Variants in THSD7B observed in about 807,000 individuals in gnomAD.
THSD7B encodes the protein thrombospondin type-1 domain-containing protein 7B.
A neutral mutation model predicts 213.6 loss-of-function variants in THSD7B; 138 were observed. The observed-to-expected ratio is 0.65, with a 90% CI of 0.56 to 0.74. THSD7B has a LOEUF of 0.74. Ranked by LOEUF, THSD7B falls within the 30% of genes least tolerant of loss-of-function variation. The pLI is 0.00. For missense variants in THSD7B, 1,931 were observed against 1,991.5 expected (o/e 0.97, Z 0.58); for synonymous variants, 742 against 687.0 (o/e 1.08, Z -1.25).
chr2:136,812,833 C>T (rs1349932509), intron 1 of THSD7B, among the ~76,000 whole-genome samples: 1 of 152,200 alleles, frequency 6.6e-6, no homozygotes, highest in Non-Finnish European at 1.5e-5. Context: ...CTAGGATTCA[C>T]ATGCAAATCT....
At chr2:137,622,333 C>T (rs1257760031) in intron 20 of THSD7B, among the ~76,000 whole-genome samples, 2 of 152,130 alleles carry the variant, frequency 1.3e-5, no homozygotes, top group East Asian at 1.9e-4. Flanking sequence ...GTAAGTTCTT[C>T]CAGCTTTGAG....
intron 1 of THSD7B, among the ~76,000 whole-genome samples, chr2:136,774,362 T>C (rs974009331): frequency 6.6e-6 from 1 of 152,102 alleles, no homozygotes; most frequent in African/African-American, 2.4e-5. Context: ...TTTTGGTAGA[T>C]TTGATTCATT....
At chr2:137,180,509 G>T (rs1680434583) in intron 7 of THSD7B, among the ~76,000 whole-genome samples, 1 of 151,968 alleles carries the variant, frequency 6.6e-6, no homozygotes, top group South Asian at 2.1e-4. Flanking sequence ...TTTATTCTTG[G>T]CATGATACCA....
intron 2 of THSD7B, among the ~76,000 whole-genome samples, chr2:137,028,654 G>GAGGC: frequency 6.6e-6 from 1 of 152,354 alleles, no homozygotes; most frequent in South Asian, 2.1e-4. Context: ...GCAAGTAAAT[G>GAGGC]AGGCAATGCA....
intron 10 of THSD7B, among the ~76,000 whole-genome samples, chr2:137,261,381 T>A (rs902196159): frequency 4.6e-5 from 7 of 152,186 alleles, no homozygotes; most frequent in African/African-American, 1.7e-4. Flanking sequence ...CCAACTAACA[T>A]TTTTACATGC....
At chr2:137,640,918 C>T (rs1166677208) in intron 20 of THSD7B, among the ~76,000 whole-genome samples, 1 of 152,056 alleles carries the variant, frequency 6.6e-6, no homozygotes, top group East Asian at 1.9e-4. Context: ...ATTAGGACAC[C>T]CTAGTTTTCT....
At chr2:137,014,294 T>G (rs1313716132) in intron 2 of THSD7B, among the ~76,000 whole-genome samples, 1 of 152,140 alleles carries the variant, frequency 6.6e-6, no homozygotes, top group Non-Finnish European at 1.5e-5. Context: ...ACTCACATGG[T>G]TGTGGTTTTC....
At chr2:136,960,493 C>T (rs551196262) in intron 2 of THSD7B, among the ~76,000 whole-genome samples, 2 of 152,118 alleles carry the variant, frequency 1.3e-5, no homozygotes, top group Non-Finnish European at 2.9e-5. Flanking sequence ...TTTTGTCTAT[C>T]ATTGGCAGTA....
At chr2:137,375,278 A>T (rs1685627801) in intron 12 of THSD7B, among the ~76,000 whole-genome samples, 1 of 151,968 alleles carries the variant, frequency 6.6e-6, no homozygotes, top group African/African-American at 2.4e-5. Context: ...TTAACAGGTT[A>T]AAAAAAACAC....
intron 3 of THSD7B, among the ~76,000 whole-genome samples, chr2:137,067,509 C>A (rs1021533474): frequency 8.1e-4 from 123 of 152,040 alleles, no homozygotes; most frequent in African/African-American, 2.7e-3. Context: ...CCATTGTAAC[C>A]CCCTAATATT....
chr2:137,652,369 C>T (rs1030798559), intron 21 of THSD7B, among the ~76,000 whole-genome samples: 2 of 152,066 alleles, frequency 1.3e-5, no homozygotes, highest in African/African-American at 2.4e-5. Context: ...AATACAGCTG[C>T]TCCTTCTCTT....
chr2:137,185,185 GA>G (rs1680528276), intron 7 of THSD7B, among the ~76,000 whole-genome samples: 2 of 150,146 alleles, frequency 1.3e-5, no homozygotes, highest in South Asian at 2.1e-4. Context: ...ACTTATTAAA[GA>G]AAAAAATTTG....
At chr2:137,152,912 C>A (rs1457559435) in intron 5 of THSD7B, among the ~76,000 whole-genome samples, 1 of 152,160 alleles carries the variant, frequency 6.6e-6, no homozygotes, top group African/African-American at 2.4e-5. Context: ...CCCTATCTCT[C>A]ACTTGCCGCC....
chr2:137,607,140 C>G (rs903284119), intron 17 of THSD7B, among the ~76,000 whole-genome samples: 1 of 148,338 alleles, frequency 6.7e-6, no homozygotes, highest in African/African-American at 2.5e-5. Flanking sequence ...AGACTTCACT[C>G]GTGTTATTCA....
chr2:137,106,596 G>A (rs1688256591), intron 4 of THSD7B, among the ~76,000 whole-genome samples: 1 of 152,198 alleles, frequency 6.6e-6, no homozygotes, highest in South Asian at 2.1e-4. Context: ...ACTATCATTA[G>A]AGTGAACAGG....
intron 2 of THSD7B, among the ~76,000 whole-genome samples, chr2:136,927,315 T>A (rs1302235016): frequency 6.6e-6 from 1 of 152,020 alleles, no homozygotes; most frequent in Non-Finnish European, 1.5e-5. Context: ...TGGACCTGCC[T>A]CAGGTGGGCA....
chr2:137,156,848 G>T (rs1401211402), intron 5 of THSD7B, among the ~76,000 whole-genome samples: 1 of 152,110 alleles, frequency 6.6e-6, no homozygotes. Context: ...GAACTGCAGG[G>T]CCCAACATCA....
intron 12 of THSD7B, among the ~76,000 whole-genome samples, chr2:137,291,873 T>C (rs991750544): frequency 3.9e-5 from 6 of 152,172 alleles, no homozygotes; most frequent in African/African-American, 1.2e-4. Context: ...GAGGATTTTG[T>C]CCCTTAACTG....
chr2:136,982,384 C>T (rs1180151111), intron 2 of THSD7B, among the ~76,000 whole-genome samples: 2 of 151,480 alleles, frequency 1.3e-5, no homozygotes, highest in African/African-American at 2.4e-5. Context: ...AGGCTGGTCT[C>T]GAACCCTGGG....
Sources: gnomAD v4.1 joint callset for allele counts (sites outside exome capture counted in the v4.1 genomes callset) on GRCh38, gnomAD v4.1.1 for gene constraint, MANE v1.5 for transcripts, NCBI Gene and HGNC (gene_info 2026-07-23, HGNC 2026-07-21) for gene names.